Variants in CELF2 observed in about 807,000 individuals in gnomAD.
CELF2 encodes CUG triplet repeat RNA-binding protein 2.
CELF2 carries 8 observed loss-of-function variants against 62.6 expected under a neutral mutation model. The observed-to-expected ratio is 0.13, with a 90% CI of 0.07 to 0.23. The LOEUF (loss-of-function observed/expected upper bound fraction) is 0.23. Ranked by LOEUF, CELF2 falls within the 10% of genes least tolerant of loss-of-function variation. The pLI, the probability that CELF2 is intolerant of heterozygous loss-of-function variation, is 1.00. For missense variants in CELF2, 333 were observed against 671.0 expected (o/e 0.50, Z 5.56); for synonymous variants, 258 against 250.0 (o/e 1.03, Z -0.30).
intron 2 of CELF2, among the ~76,000 whole-genome samples, chr10:11,183,082 A>G (rs1473603760): frequency 6.6e-6 from 1 of 152,196 alleles, no homozygotes; most frequent in Non-Finnish European, 1.5e-5. Flanking sequence ...AATAACAAAC[A>G]CATCTCTCAC....
At chr10:11,140,100 CTCAA>C (rs1441648073) in intron 1 of CELF2, among the ~76,000 whole-genome samples, 1 of 152,142 alleles carries the variant, frequency 6.6e-6, no homozygotes, top group Non-Finnish European at 1.5e-5. Context: ...ACTGCCTCTG[CTCAA>C]TCAGTTAGTC....
intron 2 of CELF2, chr10:10,944,115 T>C (rs2047375799): frequency 6.6e-6 from 1 of 152,588 alleles, no homozygotes; most frequent in Admixed American, 6.5e-5. Flanking sequence ...AACTCACTAG[T>C]TTAGGTAACT....
the CELF2 span, among the ~76,000 whole-genome samples, chr10:10,518,836 C>T: frequency 6.6e-6 from 1 of 152,212 alleles, no homozygotes; most frequent in African/African-American, 2.4e-5. Flanking sequence ...GGCTGAGAGG[C>T]CACCATCTAA....
the CELF2 span, among the ~76,000 whole-genome samples, chr10:10,678,465 G>A: frequency 3.3e-5 from 5 of 152,124 alleles, no homozygotes; most frequent in Non-Finnish European, 7.4e-5. Flanking sequence ...CCATGGAACA[G>A]CACTGCACAA....
At chr10:11,169,094 GTGGAGGCAGTCCT>G (rs2068065658) in intron 2 of CELF2, 1 of 152,230 alleles carries the variant, frequency 6.6e-6, no homozygotes, top group Admixed American at 6.5e-5. Context: ...ACATCTTAAA[GTGGAGGCAGTCCT>G]TGTAGTGTTG....
At position 11,229,109 on chromosome 10, in the gene CELF2, T is replaced by TCA. The variant is rs575241966; in HGVS notation, c.354+11606_354+11607dup. 1.9e-3 allele frequency among the ~76,000 whole-genome samples: 284 copies of TCA among 152,174 alleles called. 3 individuals carry two copies. Among genetic ancestry groups the TCA allele is most frequent in the Admixed American group, 0.015 (228 of 15,282 alleles). On this transcript the variant is annotated intron_variant, in intron 3 of 12. Transcript: ENST00000633077. ...GGGAGGACAGGTGAGATGCTGAAGG[T>TCA]CACACCAGTCAGTGCTGGGGTGAGT... is the stretch of plus-strand genomic sequence containing the variant.
Position 11,165,417 on chromosome 10 carries a change from C to T in CELF2, c.75-69C>T, listed in dbSNP as rs543767728. 101 of 1,555,058 alleles carry T rather than the reference C, an allele frequency of 6.5e-5. No homozygotes were observed. The Middle Eastern group carries it at 8.7e-4, about 13-fold the overall frequency. ...CCTTCCGCCTCCCCGCTCCCCCACC[C>T]CCACTATTTTTTCTTCCTGTCCCTC... On this transcript the variant is annotated intron_variant, in intron 1 of 12. Coordinates refer to ENST00000633077, the MANE Select transcript of CELF2 (RefSeq NM_001326342.2). The surrounding 1 kb of genome is among the most constrained non-coding windows in gnomAD (Gnocchi z 7.4).
chr10:11,058,562 G>C (rs2065927809), intron 1 of CELF2, among the ~76,000 whole-genome samples: 1 of 149,744 alleles, frequency 6.7e-6, no homozygotes, highest in South Asian at 2.1e-4. Context: ...CACCTCCCAG[G>C]TTCAAGCGAT....
the CELF2 span, among the ~76,000 whole-genome samples, chr10:10,612,239 GATCCAGTCGTAC>G: frequency 6.6e-6 from 1 of 152,140 alleles, no homozygotes; most frequent in African/African-American, 2.4e-5. Flanking sequence ...GGGAAAACCA[GATCCAGTCGTAC>G]ATTCCATCTT....
chr10:11,230,571 G>C (rs1392560363), intron 3 of CELF2, among the ~76,000 whole-genome samples: 1 of 152,202 alleles, frequency 6.6e-6, no homozygotes, highest in Non-Finnish European at 1.5e-5. Context: ...AGGTGGGGTG[G>C]AGTAGGGCAG....
intron 2 of CELF2, chr10:10,946,067 T>G (rs2047645998): frequency 6.5e-6 from 1 of 152,678 alleles, no homozygotes; most frequent in Non-Finnish European, 1.5e-5. Flanking sequence ...AACTGGCACG[T>G]AGCTGCGAGA....
intron 8 of CELF2, among the ~76,000 whole-genome samples, chr10:11,278,665 A>G (rs1405830890): frequency 6.6e-6 from 1 of 152,240 alleles, no homozygotes; most frequent in Non-Finnish European, 1.5e-5. Context: ...AGCTGTCCTC[A>G]TAGCAAGCTA....
the CELF2 span, among the ~76,000 whole-genome samples, chr10:10,477,685 A>G: frequency 5.7e-3 from 860 of 151,756 alleles, 10 homozygotes; most frequent in South Asian, 0.031. Flanking sequence ...GCTAAGAATG[A>G]TTTCACATTT....
intron 1 of CELF2, among the ~76,000 whole-genome samples, chr10:11,072,462 C>T (rs537073011): frequency 6.6e-6 from 1 of 152,328 alleles, no homozygotes; most frequent in Middle Eastern, 3.4e-3. Context: ...GGAACCTCTA[C>T]AGTCAGTGCT....
chr10:10,887,864 CA>C (rs1415304961), intron 1 of CELF2, among the ~76,000 whole-genome samples: 3 of 151,958 alleles, frequency 2.0e-5, no homozygotes, highest in Non-Finnish European at 2.9e-5. Flanking sequence ...CTCCACCTCC[CA>C]AGTTCAAGCG....
intron 9 of CELF2, among the ~76,000 whole-genome samples, chr10:11,289,637 G>A (rs751732040): frequency 2.0e-5 from 3 of 152,172 alleles, no homozygotes; most frequent in Non-Finnish European, 4.4e-5. Flanking sequence ...TGCTGAGATC[G>A]CATGGCAGGT....
intron 1 of CELF2, among the ~76,000 whole-genome samples, chr10:10,908,928 A>C (rs2063573098): frequency 6.6e-6 from 1 of 152,148 alleles, no homozygotes; most frequent in South Asian, 2.1e-4. Context: ...CTGGAACTAC[A>C]GGCATGTGCC....
the CELF2 span, among the ~76,000 whole-genome samples, chr10:10,676,768 T>C: frequency 6.6e-6 from 1 of 152,204 alleles, no homozygotes; most frequent in Non-Finnish European, 1.5e-5. Context: ...TGAACCTACT[T>C]CTTTTACAGA....
Position 11,329,312 on chromosome 10 carries a change from T to TTGAGTAATTCCTCCTCCAG in CELF2, c.*260_*261insGAGTAATTCCTCCTCCAGT. 1 of 289,902 alleles carries TTGAGTAATTCCTCCTCCAG rather than the reference T, an allele frequency of 3.4e-6. No individual in the cohort carries two copies. The allele number at this position is 289,902 out of a possible 1,614,324, so 18.0% of individuals were successfully genotyped here. Reference sequence around the variant, plus strand: ...CACTGTATTCTCCTTTGTTTTGCGATTTGAATCTCCTTTTACCTTTTTTTT... The same window carrying TTGAGTAATTCCTCCTCCAG: ...CACTGTATTCTCCTTTGTTTTGCGATTGAGTAATTCCTCCTCCAGTTGAATCTCCTTTTACCTTTTTTTT... On this transcript the variant is annotated 3_prime_UTR_variant, in exon 13 of 13. Coordinates refer to ENST00000633077, the MANE Select transcript of CELF2 (RefSeq NM_001326342.2). This position sits in a 1 kb window ranked among gnomAD's most constrained non-coding sequence, Gnocchi z 5.5.
Sources: allele counts gnomAD v4.1 joint callset (sites outside exome capture counted in the v4.1 genomes callset), GRCh38; gene constraint gnomAD v4.1.1; non-coding constraint Gnocchi (gnomAD v3.1); transcripts MANE v1.5; gene names NCBI Gene and HGNC (gene_info 2026-07-23, HGNC 2026-07-21).